The following FYB1 variants were observed in gnomAD, a reference collection of about 807,000 sequenced individuals.
FYB1 encodes the protein FYN-binding protein 1.
In FYB1, 41 loss-of-function variants were observed where a neutral mutation model predicts 94.1. The ratio of observed to expected loss-of-function variants is 0.44; its 90% confidence interval spans 0.34 to 0.57. The LOEUF is 0.57. Among genes scored for constraint, FYB1 ranks in the 20% least tolerant of loss-of-function variants. The pLI is 0.02. For synonymous variants in FYB1, 367 were observed against 353.2 expected (o/e 1.04, Z -0.44); for missense variants, 1,050 against 976.8 (o/e 1.07, Z -1.00).
rs763605972 is a variant in FYB1, at chr5:39,202,766, T to A, written c.195A>T (p.Ala65=). ...GCTTTTCCTCAGAAGAAGGTTTGAC[T>A]GCCACAGGTGGCTTTGGGGACCCAA... ...PKFGSPKPPV[A]VKPSSEEKPD... The change falls in exon 2 of 19, where the codon GCA becomes GCT. Residue 65 remains alanine (A), a synonymous_variant. Coordinates refer to ENST00000512982, the MANE Select transcript of FYB1 (RefSeq NM_001465.6). The A allele has an allele frequency of 4.3e-6, 7 of 1,613,998 alleles. No individual in the cohort carries two copies. In the South Asian group the frequency reaches 7.7e-5, roughly 18 times the overall value.
intron 2 of FYB1, among the ~76,000 whole-genome samples, chr5:39,201,005 A>G (rs945075952): frequency 8.5e-5 from 13 of 152,144 alleles, no homozygotes; most frequent in African/African-American, 2.9e-4. Flanking sequence ...AATTTAAACT[A>G]TTTACCCGAA....
Position 39,148,345 on chromosome 5 carries a change from T to C in FYB1, c.1292+5103A>G, listed in dbSNP as rs549408294. ...ATGCCCAGCTGGCCTTTTACTTTAT[T>C]GGCTATTCATGCATTTAGCTTTTAA... On this transcript the variant is annotated intron_variant, in intron 3 of 18. Transcript: ENST00000512982. 8.4e-5 allele frequency among the ~76,000 whole-genome samples: 12 copies of C among 143,166 alleles called. No individual in the cohort carries two copies. The South Asian group carries it at 2.4e-3, about 29-fold the overall frequency. The allele number at this position is 143,166 out of a possible 152,430, so 93.9% of individuals were successfully genotyped here.
At chr5:39,132,980 T>G (rs1231164275) in intron 9 of FYB1, among the ~76,000 whole-genome samples, 2 of 152,208 alleles carry the variant, frequency 1.3e-5, no homozygotes, top group Admixed American at 1.3e-4. Context: ...CTCTAGTGCA[T>G]GCATTGTATG....
At chr5:39,113,187 A>AT (rs1034723004) in intron 16 of FYB1, among the ~76,000 whole-genome samples, 1 of 116,610 alleles carries the variant, frequency 8.6e-6, no homozygotes, top group African/African-American at 3.5e-5. Flanking sequence ...AAATACATAT[A>AT]TTTTTTGCGG....
chr5:39,169,321 G>C, intron 2 of FYB1: 1 of 778,094 alleles, frequency 1.3e-6, no homozygotes, highest in African/African-American at 1.7e-5. Context: ...CATGCTATGG[G>C]GTATCTTTGG....
rs1218203135 is a variant in FYB1, at chr5:39,148,153, TTTTATATATATATA to T, written c.1292+5281_1292+5294del. Among the ~76,000 whole-genome samples, 734 of 79,444 alleles carry T rather than the reference TTTTATATATATATA, an allele frequency of 9.2e-3. 54 individuals are homozygous for T. Among genetic ancestry groups the T allele is most frequent in the African/African-American group, 0.028 (531 of 19,212 alleles). The allele number at this position is 79,444 out of a possible 152,430, so 52.1% of individuals were successfully genotyped here. ...TCATTATATGTATATTATATGTATT[TTTTATATATATATA>T]TATATATATATATATATATATATAT... is the stretch of plus-strand genomic sequence containing the variant. On this transcript the variant is annotated intron_variant, in intron 3 of 18. Transcript: ENST00000512982.
At chr5:39,232,896 C>T (rs1389890378) in intron 1 of FYB1, among the ~76,000 whole-genome samples, 2 of 151,964 alleles carry the variant, frequency 1.3e-5, no homozygotes, top group Admixed American at 6.6e-5. Flanking sequence ...AGGACATGAA[C>T]TCATCATTTT....
intron 2 of FYB1, among the ~76,000 whole-genome samples, chr5:39,187,974 G>T (rs1747000538): frequency 6.6e-6 from 1 of 152,150 alleles, no homozygotes; most frequent in African/African-American, 2.4e-5. Context: ...ACAGGAAAAA[G>T]AAAGAAAGGA....
chr5:39,167,100 C>A (rs1219187093), intron 2 of FYB1, among the ~76,000 whole-genome samples: 1 of 151,760 alleles, frequency 6.6e-6, no homozygotes, highest in Non-Finnish European at 1.5e-5. Context: ...GTAAAAGCTG[C>A]AATTAACTTT....
At chr5:39,162,078 T>A (rs1468502081) in intron 2 of FYB1, among the ~76,000 whole-genome samples, 2 of 152,232 alleles carry the variant, frequency 1.3e-5, no homozygotes, top group Non-Finnish European at 2.9e-5. Flanking sequence ...TATTTATCCA[T>A]TCATCAGTTG....
At chr5:39,232,523 TTTTA>T (rs369384284) in intron 1 of FYB1, among the ~76,000 whole-genome samples, 84 of 150,878 alleles carry the variant, frequency 5.6e-4, no homozygotes, top group African/African-American at 1.7e-3. Flanking sequence ...TAAACATTTA[TTTTA>T]TTTATTTATT....
At chr5:39,169,556 C>A in intron 2 of FYB1, 1 of 524,382 alleles carries the variant, frequency 1.9e-6, no homozygotes, top group South Asian at 1.6e-5. Flanking sequence ...GTTGAAAGAC[C>A]AAGGAGGGCC....
intron 1 of FYB1, among the ~76,000 whole-genome samples, chr5:39,257,842 C>G (rs935513745): frequency 4.4e-4 from 66 of 151,604 alleles, no homozygotes; most frequent in African/African-American, 1.6e-3. Flanking sequence ...ACCAGGCCAG[C>G]CAAATCAAAA....
At chr5:39,261,750 AAAAAG>A (rs111800452) in intron 1 of FYB1, among the ~76,000 whole-genome samples, 411 of 151,848 alleles carry the variant, frequency 2.7e-3, no homozygotes, top group African/African-American at 9.2e-3. Flanking sequence ...CTGTCTCAAA[AAAAAG>A]AAAAGAAAAG....
intron 3 of FYB1, among the ~76,000 whole-genome samples, chr5:39,147,401 T>C (rs572121603): frequency 2.1e-3 from 313 of 151,280 alleles, no homozygotes; most frequent in African/African-American, 7.4e-3. Flanking sequence ...CCCAAGTAGC[T>C]GAGACGACAG....
Position 39,170,403 on chromosome 5 carries a change from G to T in FYB1, c.1136-16799C>A, listed in dbSNP as rs543950192. On this transcript the variant is annotated intron_variant, in intron 2 of 18. Coordinates refer to ENST00000512982, the MANE Select transcript of FYB1 (RefSeq NM_001465.6). Reference sequence around the variant, plus strand: ...CCAGCTGCACCGTGGTCTTGTCGCCGTCCTGGGCCGGACCCCCTCAGCAGC... The same window carrying T: ...CCAGCTGCACCGTGGTCTTGTCGCCTTCCTGGGCCGGACCCCCTCAGCAGC... The T allele has an allele frequency of 1.8e-4, 101 of 567,082 alleles. 1 individual carries two copies. In the African/African-American group the frequency reaches 1.9e-3, roughly 10 times the overall value. 35.1% of individuals were successfully genotyped at this position (567,082 alleles called of 1,614,324 possible). A position where few individuals can be genotyped will look rare whatever the true frequency, so the allele number is the denominator to read the frequency against.
At chr5:39,214,140 A>G (rs774245412) in intron 1 of FYB1, among the ~76,000 whole-genome samples, 9 of 152,108 alleles carry the variant, frequency 5.9e-5, no homozygotes, top group Non-Finnish European at 1.3e-4. Flanking sequence ...GTCATCTATT[A>G]TTTCTAGACA....
At chr5:39,158,678 G>T (rs1414780287) in intron 2 of FYB1, among the ~76,000 whole-genome samples, 1 of 152,162 alleles carries the variant, frequency 6.6e-6, no homozygotes, top group Non-Finnish European at 1.5e-5. Flanking sequence ...CTACCTTGTA[G>T]ATTCTAATGT....
rs74525298 is a variant in FYB1 at position 39,158,766 on chromosome 5, C to T, written c.1136-5162G>A. The stretch of plus-strand genomic sequence containing the variant: ...AAGGAACATGTGGAGATCTGGTTCT[C>T]AATTTCATTTTTAAATCCATGGATT... On this transcript the variant is annotated intron_variant, in intron 2 of 18. Coordinates refer to ENST00000512982, the MANE Select transcript of FYB1 (RefSeq NM_001465.6). Among the ~76,000 whole-genome samples the T allele has an allele frequency of 1.6e-3, 249 of 152,106 alleles. 3 individuals are homozygous for T. The highest frequency in any genetic ancestry group is 5.7e-3 in the African/African-American group (236 of 41,502).
Sources: allele counts gnomAD v4.1 joint callset (sites outside exome capture counted in the v4.1 genomes callset), GRCh38; gene constraint gnomAD v4.1.1; transcripts MANE v1.5; gene names NCBI Gene and HGNC (gene_info 2026-07-23, HGNC 2026-07-21).